Variants in FER1L6 observed in about 807,000 individuals in gnomAD.
The protein encoded by FER1L6 is fer-1 like family member 6.
In FER1L6, 177 loss-of-function variants were observed where a neutral mutation model predicts 219.2. The ratio of observed to expected loss-of-function variants is 0.81; its 90% CI spans 0.71 to 0.91. The LOEUF (loss-of-function observed/expected upper bound fraction) is 0.91. Ranked by LOEUF, FER1L6 falls within the 40% of genes least tolerant of loss-of-function variation. The pLI is 0.00. For missense variants in FER1L6, 2,153 were observed against 2,259.9 expected, an observed-to-expected ratio of 0.95 and a Z score of 0.96; for synonymous variants, 768 against 824.3, an observed-to-expected ratio of 0.93 and a Z score of 1.17.
At chr8:123,980,196 G>C (rs1425306705) in intron 10 of FER1L6, among the ~76,000 whole-genome samples, 1 of 152,138 alleles carries the variant, frequency 6.6e-6, no homozygotes, top group South Asian at 2.1e-4. Context: ...GAACATGGGG[G>C]AATCAATAAA....
At chr8:124,008,332 C>G (rs142562680) in intron 13 of FER1L6, among the ~76,000 whole-genome samples, 1,619 of 152,288 alleles carry the variant, frequency 0.011, 28 homozygotes, top group African/African-American at 0.035. Context: ...ACCACAGTTT[C>G]TTTATCCACT....
intron 1 of FER1L6, among the ~76,000 whole-genome samples, chr8:123,888,489 G>A (rs1305782252): frequency 6.6e-6 from 1 of 152,186 alleles, no homozygotes; most frequent in East Asian, 1.9e-4. Flanking sequence ...GTGGGAAAGT[G>A]GGATGGAGTT....
intron 1 of FER1L6, among the ~76,000 whole-genome samples, chr8:123,921,989 A>T (rs1194519157): frequency 6.6e-6 from 1 of 152,218 alleles, no homozygotes. Context: ...AAGCAGCAGC[A>T]TGAGGGAAGT....
rs1361454604 is a variant in FER1L6, at chr8:124,066,461, A to G, written c.3589A>G (p.Arg1197Gly). The G allele has an allele frequency of 1.2e-6, 2 of 1,614,034 alleles. No individual in the cohort carries two copies. Among genetic ancestry groups the G allele is most frequent in the Admixed American group, 1.7e-5 (1 of 60,022 alleles). The change falls in exon 27 of 41, where the codon AGG (arginine) becomes GGG (glycine). Residue 1197 changes from arginine (R) to glycine (G), a missense_variant. Transcript: ENST00000522917. ...PRKPSRRSTK[R>G]RKRTIADESA... The stretch of plus-strand genomic sequence containing the variant: ...GAAGCCTTCCCGGAGGTCCACTAAG[A>G]GGAGAAAGAGGACCATAGCAGATGA...
intron 1 of FER1L6, among the ~76,000 whole-genome samples, chr8:123,904,125 G>C (rs1474452175): frequency 2.0e-5 from 3 of 152,118 alleles, no homozygotes; most frequent in South Asian, 2.1e-4. Context: ...ATTGGCTTTA[G>C]GGGGCATATG....
intron 18 of FER1L6, among the ~76,000 whole-genome samples, chr8:124,028,173 G>A (rs1362761164): frequency 6.6e-6 from 1 of 152,148 alleles, no homozygotes; most frequent in Non-Finnish European, 1.5e-5. Context: ...CAGAACTTTT[G>A]CCCTGGAGCA....
chr8:123,891,511 G>A (rs1812647227), intron 1 of FER1L6, among the ~76,000 whole-genome samples: 1 of 152,008 alleles, frequency 6.6e-6, no homozygotes, highest in Non-Finnish European at 1.5e-5. Flanking sequence ...TCACAGTTCT[G>A]TCATTAGAAT....
At chr8:123,976,563 T>G (rs1418057084) in intron 9 of FER1L6, among the ~76,000 whole-genome samples, 1 of 151,608 alleles carries the variant, frequency 6.6e-6, no homozygotes, top group Non-Finnish European at 1.5e-5. Context: ...AGGGGAGGGT[T>G]ACTCACTCAC....
intron 11 of FER1L6, 127 bp from the exon 12 acceptor site, chr8:123,985,941 C>T (rs1193281844): frequency 1.6e-6 from 1 of 616,452 alleles, no homozygotes; most frequent in Non-Finnish European, 2.9e-6. Flanking sequence ...AAACGCTGTG[C>T]CATTTCAGGC....
intron 2 of FER1L6, among the ~76,000 whole-genome samples, chr8:123,956,722 T>G (rs886951623): frequency 6.6e-6 from 1 of 152,228 alleles, no homozygotes; most frequent in African/African-American, 2.4e-5. Flanking sequence ...GAGGCTCTTC[T>G]GAGCTTAGGG....
intron 1 of FER1L6, among the ~76,000 whole-genome samples, chr8:123,955,201 G>A (rs1026915715): frequency 1.3e-5 from 2 of 152,148 alleles, no homozygotes; most frequent in African/African-American, 4.8e-5. Flanking sequence ...CCCGGGAGGT[G>A]GAGGTGGCAG....
intron 23 of FER1L6, 68 bp from the exon 24 acceptor site, chr8:124,060,480 C>T: frequency 6.3e-7 from 1 of 1,588,234 alleles, no homozygotes; most frequent in East Asian, 2.2e-5. Flanking sequence ...CTTTTCCACA[C>T]AGAGCCAGGG....
chr8:124,103,901 T>C (rs1012940180), intron 39 of FER1L6, among the ~76,000 whole-genome samples: 3 of 152,202 alleles, frequency 2.0e-5, no homozygotes, highest in African/African-American at 7.2e-5. Flanking sequence ...CAGGGTCTTT[T>C]TTCTGCTGCT....
intron 1 of FER1L6, among the ~76,000 whole-genome samples, chr8:123,919,708 A>T (rs1159347988): frequency 6.6e-6 from 1 of 152,218 alleles, no homozygotes; most frequent in Non-Finnish European, 1.5e-5. Context: ...ATGATCTGTC[A>T]TGGTGCTCTT....
At chr8:124,090,670 T>C (rs944896255) in intron 33 of FER1L6, among the ~76,000 whole-genome samples, 1 of 152,220 alleles carries the variant, frequency 6.6e-6, no homozygotes, top group African/African-American at 2.4e-5. Context: ...ACATCAAGCT[T>C]ATCTTGGTCC....
Position 124,060,241 on chromosome 8 carries a change from A to T in FER1L6, c.2936A>T (p.Tyr979Phe). The change falls in exon 23 of 41, where the codon TAC becomes TTC. Residue 979 changes from tyrosine to phenylalanine, a missense_variant. By Grantham distance (22) the Tyr-to-Phe change is conservative. Coordinates refer to ENST00000522917, the MANE Select transcript of FER1L6 (RefSeq NM_001039112.2). ...GAGCCACCAGACATCACCCAGATCT[A>T]CCCGGTTCCTGCCAACATTCGGCCG... The part of the protein sequence containing the change: ...PVEPPDITQI[Y>F]PVPANIRPVL... 6.2e-7 allele frequency: 1 copy of T among 1,614,044 alleles called. No individual in the cohort carries two copies. The highest frequency in any genetic ancestry group is 8.5e-7 in the Non-Finnish European group (1 of 1,180,010).
chr8:123,923,926 C>T (rs1371103066), intron 1 of FER1L6, among the ~76,000 whole-genome samples: 1 of 122,282 alleles, frequency 8.2e-6, no homozygotes, highest in Admixed American at 1.0e-4. Context: ...GACTACAGAT[C>T]GAGACTCCAA....
At chr8:124,068,038 T>C (rs1258313819) in intron 28 of FER1L6, among the ~76,000 whole-genome samples, 1 of 152,172 alleles carries the variant, frequency 6.6e-6, no homozygotes, top group African/African-American at 2.4e-5. Context: ...AATGGACCCT[T>C]TGGCTCAAGT....
intron 1 of FER1L6, among the ~76,000 whole-genome samples, chr8:123,903,175 G>A (rs188204927): frequency 4.5e-4 from 68 of 152,076 alleles, no homozygotes; most frequent in African/African-American, 1.6e-3. Flanking sequence ...TGGTGCTTGC[G>A]GCTGCAGCAT....
Sources: gnomAD v4.1 joint callset for allele counts (sites outside exome capture counted in the v4.1 genomes callset) on GRCh38, gnomAD v4.1.1 for gene constraint, MANE v1.5 for transcripts, NCBI Gene and HGNC (gene_info 2026-07-23, HGNC 2026-07-21) for gene names.